Variants in MAML3 observed in about 807,000 individuals in gnomAD.
MAML3 encodes mastermind like transcriptional coactivator 3.
Under a neutral mutation model 101.9 loss-of-function variants are expected in MAML3, and 27 were observed. That is an observed-to-expected ratio of 0.27 (90% CI 0.20 to 0.37). The LOEUF is 0.37. Ranked by LOEUF, MAML3 falls within the 10% of genes least tolerant of loss-of-function variation. The pLI is 1.00. For synonymous variants in MAML3, 501 were observed against 555.9 expected, an observed-to-expected ratio of 0.90 and a Z score of 1.39; for missense variants, 1,316 against 1,444.9, an observed-to-expected ratio of 0.91 and a Z score of 1.45.
rs558115283 is a variant in MAML3 at position 140,079,296 on chromosome 4, T to A, written c.468+73564A>T. On this transcript the variant is annotated intron_variant, in intron 1 of 4. Coordinates refer to ENST00000509479, the MANE Select transcript of MAML3 (RefSeq NM_018717.5). Reference sequence around the variant, plus strand: ...AGTTCTATTAATTAATTAATTAATTTAAAAAAAATTTTTTTAGATGGAGTC... The same window carrying A: ...AGTTCTATTAATTAATTAATTAATTAAAAAAAAATTTTTTTAGATGGAGTC... Among the ~76,000 whole-genome samples the A allele has an allele frequency of 4.4e-4, 67 of 152,224 alleles. 1 individual carries two copies. The highest frequency in any genetic ancestry group is 2.5e-3 in the East Asian group (13 of 5,188).
At chr4:140,149,488 A>G (rs1468379377) in intron 1 of MAML3, among the ~76,000 whole-genome samples, 3 of 152,184 alleles carry the variant, frequency 2.0e-5, no homozygotes, top group Admixed American at 6.5e-5. Context: ...TAAATGTGTA[A>G]GATAGGAAAA....
At chr4:139,901,663 CT>C (rs1732722166) in intron 1 of MAML3, among the ~76,000 whole-genome samples, 1 of 152,138 alleles carries the variant, frequency 6.6e-6, no homozygotes, top group African/African-American at 2.4e-5. Flanking sequence ...AAGATCAGAT[CT>C]TATCTGCATC....
chr4:140,082,585 C>T (rs1255943538), intron 1 of MAML3, among the ~76,000 whole-genome samples: 4 of 152,132 alleles, frequency 2.6e-5, no homozygotes, highest in Non-Finnish European at 5.9e-5. Context: ...ATGGCCTTTG[C>T]AGTCCCCAGC....
At chr4:140,113,542 A>G (rs1428880605) in intron 1 of MAML3, among the ~76,000 whole-genome samples, 1 of 152,276 alleles carries the variant, frequency 6.6e-6, no homozygotes, top group East Asian at 1.9e-4. Flanking sequence ...TGGGAGAGTC[A>G]GATCTTCCAG....
intron 2 of MAML3, among the ~76,000 whole-genome samples, chr4:139,809,865 T>TACACACAC (rs71584333): frequency 0.17 from 24,852 of 142,856 alleles, 2,571 homozygotes; most frequent in Admixed American, 0.23. Context: ...TACCTGCACG[T>TACACACAC]ACACACACAC....
rs139445743 is a variant in MAML3, at chr4:139,769,916, C to CTTTTTTTTTTTTTT, written c.2080-39263_2080-39250dup. Among the ~76,000 whole-genome samples, 71 of 132,270 alleles carry CTTTTTTTTTTTTTT rather than the reference C, an allele frequency of 5.4e-4. 1 individual carries two copies. The highest frequency in any genetic ancestry group is 2.0e-3 in the African/African-American group (68 of 34,752). The allele number at this position is 132,270 out of a possible 152,430, so 86.8% of individuals were successfully genotyped here. ...AGGCGTGAGCCATCGCGCCCAGCCT[C>CTTTTTTTTTTTTTT]TTTTTTTTTTTTTTTTTTTTAAAGA... is the stretch of plus-strand genomic sequence containing the variant. On this transcript the variant is annotated intron_variant, in intron 2 of 4. Transcript: ENST00000509479.
In MAML3 at chr4:139,889,636, G is replaced by A. The variant is rs763586069; in HGVS notation, c.1800C>T (p.Gly600=). 4 of 1,613,978 alleles carry A rather than the reference G, an allele frequency of 2.5e-6. 1 individual carries two copies. In the South Asian group the frequency reaches 4.4e-5, roughly 18 times the overall value. The change falls in exon 2 of 5, where the codon GGC becomes GGT. Residue 600 remains glycine (G), a synonymous_variant. Coordinates refer to ENST00000509479, the MANE Select transcript of MAML3 (RefSeq NM_018717.5). ...LNKQHNILTY[G]NTKPLTHFNA... is the part of the protein sequence containing the mutation. ...TGAAGTGGGTCAGGGGTTTAGTGTT[G>A]CCATAAGTCAGAATATTGTGCTGTT... is the stretch of plus-strand genomic sequence containing the variant.
At chr4:139,930,752 G>A (rs1004769178) in intron 1 of MAML3, among the ~76,000 whole-genome samples, 6 of 152,092 alleles carry the variant, frequency 3.9e-5, no homozygotes, top group Non-Finnish European at 7.3e-5. Flanking sequence ...ATGTTTAAAT[G>A]AGGAGTAACG....
intron 2 of MAML3, among the ~76,000 whole-genome samples, chr4:139,873,394 T>C (rs1732052412): frequency 1.3e-5 from 2 of 152,192 alleles, no homozygotes; most frequent in African/African-American, 2.4e-5. Context: ...CACTTAAGCA[T>C]GTTATAAAAT....
At chr4:139,768,662 T>G (rs907536872) in intron 2 of MAML3, among the ~76,000 whole-genome samples, 1 of 152,220 alleles carries the variant, frequency 6.6e-6, no homozygotes, top group Non-Finnish European at 1.5e-5. Context: ...CTGCTGCTAC[T>G]CTTAGTACTA....
intron 1 of MAML3, among the ~76,000 whole-genome samples, chr4:139,917,369 T>C (rs765878060): frequency 2.3e-4 from 35 of 152,168 alleles, no homozygotes; most frequent in Non-Finnish European, 4.1e-4. Context: ...TCCAATAAGG[T>C]TGGCTTCCAT....
At chr4:139,939,718 G>T (rs1474602186) in intron 1 of MAML3, among the ~76,000 whole-genome samples, 1 of 150,928 alleles carries the variant, frequency 6.6e-6, no homozygotes, top group Non-Finnish European at 1.5e-5. Flanking sequence ...TCTGAACAAG[G>T]CATAGTACAG....
chr4:139,933,765 G>A lies in MAML3; in HGVS notation c.469-42798C>T, dbSNP rs555483911. ...GTGTAGTAAATGATTACAGTAACAG[G>A]CAGCTTGTAACCCAGAGAACCCTTC... On this transcript the variant is annotated intron_variant, in intron 1 of 4. Coordinates refer to ENST00000509479, the MANE Select transcript of MAML3 (RefSeq NM_018717.5). 3.3e-5 allele frequency among the ~76,000 whole-genome samples: 5 copies of A among 152,290 alleles called. No homozygotes were observed. In the South Asian group the frequency reaches 1.0e-3, roughly 32 times the overall value.
rs1056254859 is a variant in MAML3 at position 139,914,655 on chromosome 4, C to T, written c.469-23688G>A. ...CCAGATGTACCAAACCCGACCACAA[C>T]AAACAGCTAGAACTAAATGAGAGAA... On this transcript the variant is annotated intron_variant, in intron 1 of 4. Transcript: ENST00000509479. Among the ~76,000 whole-genome samples the T allele has an allele frequency of 5.3e-5, 8 of 152,248 alleles. No homozygotes were observed. The Middle Eastern group carries it at 0.014, about 259-fold the overall frequency.
intron 1 of MAML3, among the ~76,000 whole-genome samples, chr4:140,078,562 G>T (rs1173235793): frequency 6.6e-6 from 1 of 152,128 alleles, no homozygotes; most frequent in African/African-American, 2.4e-5. Context: ...GGAGGAGGGA[G>T]CCTGGGCGGA....
At chr4:140,016,594 C>T (rs1431724661) in intron 1 of MAML3, among the ~76,000 whole-genome samples, 1 of 152,078 alleles carries the variant, frequency 6.6e-6, no homozygotes, top group East Asian at 1.9e-4. Context: ...AACACTAGAT[C>T]AATGAAACAG....
At chr4:139,781,160 C>A (rs921215881) in intron 2 of MAML3, among the ~76,000 whole-genome samples, 33 of 151,990 alleles carry the variant, frequency 2.2e-4, no homozygotes, top group African/African-American at 8.0e-4. Flanking sequence ...TATTTACCAC[C>A]GTCAAAGGTG....
intron 1 of MAML3, among the ~76,000 whole-genome samples, chr4:139,993,757 G>A (rs1165882700): frequency 6.6e-6 from 1 of 152,148 alleles, no homozygotes; most frequent in Non-Finnish European, 1.5e-5. Context: ...GAACCTGGGA[G>A]GCGGAGGTTG....
chr4:139,909,896 T>C (rs562251557), intron 1 of MAML3, among the ~76,000 whole-genome samples: 9 of 137,794 alleles, frequency 6.5e-5, no homozygotes, highest in Non-Finnish European at 1.4e-4. Context: ...GCCATACACA[T>C]GAGTCTGCCT....
Sources: gnomAD v4.1 joint callset for allele counts (sites outside exome capture counted in the v4.1 genomes callset) on GRCh38, gnomAD v4.1.1 for gene constraint, MANE v1.5 for transcripts, NCBI Gene and HGNC (gene_info 2026-07-23, HGNC 2026-07-21) for gene names.